TBC1D1: variants seen among roughly 807,000 people sequenced by gnomAD.
TBC1D1 encodes the protein TBC1 (tre-2/USP6, BUB2, cdc16) domain family, member 1.
Under a neutral mutation model 125.6 loss-of-function variants are expected in TBC1D1, and 89 were observed. That is an observed-to-expected ratio of 0.71 (90% CI 0.60 to 0.85). TBC1D1 has a LOEUF of 0.85. TBC1D1 is among the 40% of genes least tolerant of loss of function. The pLI is 0.00. For missense variants in TBC1D1, 1,377 were observed against 1,469.2 expected (o/e 0.94, Z 1.03); for synonymous variants, 565 against 564.1 (o/e 1.00, Z -0.02).
rs1765875751 is a variant in TBC1D1 at position 38,133,105 on chromosome 4, A to G, written c.3154A>G (p.Lys1052Glu). ...ACAGGTATTTGAAATGGACATCGCT[A>G]AACAGTTACAAGCTTATGAAGTTGA... Residue 1052 changes from lysine (K) to glutamate (E), a missense_variant, in exon 19 of 20, where the codon AAA becomes GAA. Transcript: ENST00000261439. The G allele has an allele frequency of 6.2e-7, 1 of 1,613,468 alleles. No homozygotes were observed. The highest frequency in any genetic ancestry group is 8.5e-7 in the Non-Finnish European group (1 of 1,179,802).
At chr4:38,104,818 T>C (rs1761002087) in intron 15 of TBC1D1, among the ~76,000 whole-genome samples, 1 of 151,756 alleles carries the variant, frequency 6.6e-6, no homozygotes, top group Non-Finnish European at 1.5e-5. Context: ...TGCAGTGGTG[T>C]GATCTCAGCT....
intron 2 of TBC1D1, among the ~76,000 whole-genome samples, chr4:37,963,279 G>A (rs1485703189): frequency 2.0e-5 from 3 of 152,186 alleles, no homozygotes; most frequent in Non-Finnish European, 4.4e-5. Context: ...AGGAGGCATG[G>A]CAGTGGCATC....
intron 2 of TBC1D1, among the ~76,000 whole-genome samples, chr4:37,962,147 T>C (rs1212790521): frequency 6.6e-6 from 1 of 152,236 alleles, no homozygotes; most frequent in East Asian, 1.9e-4. Context: ...GAGCTGATTC[T>C]GTGGTGGGCT....
At chr4:37,902,561 T>C in intron 2 of TBC1D1, 49 bp downstream of exon 2, 2 of 1,426,234 alleles carry the variant, frequency 1.4e-6, no homozygotes, top group Non-Finnish European at 1.9e-6. Flanking sequence ...GGCTGGTTTT[T>C]ATTGTATGGG....
intron 12 of TBC1D1, among the ~76,000 whole-genome samples, chr4:38,081,476 G>A (rs969341604): frequency 1.3e-4 from 20 of 152,056 alleles, no homozygotes; most frequent in African/African-American, 4.6e-4. Flanking sequence ...GGAGCCCCTG[G>A]GAAAATGTTG....
chr4:37,959,873 T>C (rs547963715), intron 2 of TBC1D1, among the ~76,000 whole-genome samples: 1 of 152,248 alleles, frequency 6.6e-6, no homozygotes, highest in East Asian at 1.9e-4. Context: ...TCCCCACCAC[T>C]GCATGCTGGA....
intron 2 of TBC1D1, among the ~76,000 whole-genome samples, chr4:37,936,169 C>T (rs899292116): frequency 1.3e-5 from 2 of 152,156 alleles, no homozygotes; most frequent in Non-Finnish European, 2.9e-5. Flanking sequence ...AGTACTGAAT[C>T]GCATACCATA....
intron 2 of TBC1D1, among the ~76,000 whole-genome samples, chr4:38,010,879 C>T (rs1741340014): frequency 6.6e-6 from 1 of 152,204 alleles, no homozygotes; most frequent in Non-Finnish European, 1.5e-5. Context: ...TTACATTCAT[C>T]TTATATTTCT....
chr4:38,122,359 C>T lies in TBC1D1; in HGVS notation c.2963-2603C>T, dbSNP rs1763990011. ...AGAATTGCTTGGCTGGGGCAGAGGC[C>T]CCTGGTGATCTGGACCTGCGTGCCC... On this transcript the variant is annotated intron_variant, in intron 17 of 19. Coordinates refer to ENST00000261439, the MANE Select transcript of TBC1D1 (RefSeq NM_015173.4). Among the ~76,000 whole-genome samples the T allele has an allele frequency of 2.6e-5, 4 of 152,200 alleles. No individual in the cohort carries two copies. The South Asian group carries it at 8.3e-4, about 31-fold the overall frequency.
rs16994203 is a variant in TBC1D1, at chr4:38,080,769, C to T, written c.2051-9163C>T. 8.7e-3 allele frequency among the ~76,000 whole-genome samples: 1,329 copies of T among 152,198 alleles called. 22 individuals carry two copies. The highest frequency in any genetic ancestry group is 0.03 in the African/African-American group (1,264 of 41,512). On this transcript the variant is annotated intron_variant, in intron 12 of 19. Transcript: ENST00000261439. ...TCGCCACCTTATGGGCTGCCCTTGA[C>T]CCCTTGGCACACAGACCTGGAAGTT...
At chr4:37,951,909 A>G (rs1727957636) in intron 2 of TBC1D1, 2 of 711,738 alleles carry the variant, frequency 2.8e-6, no homozygotes, top group Admixed American at 2.0e-5. Context: ...GATAATGGGT[A>G]TGTACTTTTA....
intron 18 of TBC1D1, among the ~76,000 whole-genome samples, chr4:38,126,405 A>G (rs974081768): frequency 2.0e-5 from 3 of 152,228 alleles, no homozygotes; most frequent in African/African-American, 7.2e-5. Flanking sequence ...GTCCAAAAGG[A>G]ATCCATGATT....
At chr4:38,117,167 G>A (rs1486366090) in intron 16 of TBC1D1, among the ~76,000 whole-genome samples, 2 of 152,198 alleles carry the variant, frequency 1.3e-5, no homozygotes, top group Non-Finnish European at 2.9e-5. Flanking sequence ...AGCCACAGCT[G>A]GTGCTTATGG....
At chr4:38,129,183 AAC>A (rs1161457073) in intron 18 of TBC1D1, among the ~76,000 whole-genome samples, 8 of 152,220 alleles carry the variant, frequency 5.3e-5, no homozygotes, top group Non-Finnish European at 7.3e-5. Flanking sequence ...CTCTGTTAGA[AAC>A]ACAATGAACA....
intron 12 of TBC1D1, among the ~76,000 whole-genome samples, chr4:38,071,601 T>C (rs1185782254): frequency 6.6e-6 from 1 of 152,190 alleles, no homozygotes; most frequent in East Asian, 1.9e-4. Flanking sequence ...TGATCTGTCA[T>C]TGTGTTACCC....
intron 2 of TBC1D1, among the ~76,000 whole-genome samples, chr4:37,960,056 A>T (rs1371446129): frequency 6.6e-6 from 1 of 152,256 alleles, no homozygotes; most frequent in Non-Finnish European, 1.5e-5. Context: ...TACATTATAA[A>T]TTAGAAAATG....
intron 2 of TBC1D1, among the ~76,000 whole-genome samples, chr4:37,907,726 C>T (rs1010703507): frequency 1.3e-5 from 2 of 152,166 alleles, no homozygotes; most frequent in Non-Finnish European, 2.9e-5. Context: ...TAGATCTTTA[C>T]CTCATCACAT....
chr4:38,103,797 T>C (rs1424275537), intron 15 of TBC1D1, among the ~76,000 whole-genome samples: 2 of 152,154 alleles, frequency 1.3e-5, no homozygotes, highest in South Asian at 2.1e-4. Flanking sequence ...TTTTAAAATA[T>C]AGTAACTATC....
intron 15 of TBC1D1, among the ~76,000 whole-genome samples, chr4:38,115,192 C>T (rs1762785234): frequency 6.6e-6 from 1 of 151,308 alleles, no homozygotes; most frequent in African/African-American, 2.4e-5. Flanking sequence ...TCTCTGCCTC[C>T]CAGGTTCAAG....
Sources: gnomAD v4.1 joint callset for allele counts (sites outside exome capture counted in the v4.1 genomes callset) on GRCh38, gnomAD v4.1.1 for gene constraint, MANE v1.5 for transcripts, NCBI Gene and HGNC (gene_info 2026-07-23, HGNC 2026-07-21) for gene names.